CFAP221: variants seen among roughly 807,000 people sequenced by gnomAD.
CFAP221 encodes the protein cilia and flagella associated protein 221.
A neutral mutation model predicts 113.1 loss-of-function variants in CFAP221; 97 were observed. The observed-to-expected ratio is 0.86, with a 90% CI of 0.73 to 1.02. The LOEUF (loss-of-function observed/expected upper bound fraction) is 1.02. Among genes scored for constraint, CFAP221 ranks in the 50% least tolerant of loss-of-function variants. CFAP221 has a pLI of 0.00. For synonymous variants in CFAP221, 331 were observed against 354.4 expected (o/e 0.93, Z 0.74); for missense variants, 1,025 against 1,013.4 (o/e 1.01, Z -0.16).
At chr2:119,547,836 C>T (rs1481053833) in intron 2 of CFAP221, among the ~76,000 whole-genome samples, 1 of 152,156 alleles carries the variant, frequency 6.6e-6, no homozygotes, top group Non-Finnish European at 1.5e-5. Flanking sequence ...GTGAAGGTGT[C>T]TGTGCCTCAT....
intron 14 of CFAP221, among the ~76,000 whole-genome samples, chr2:119,619,063 C>G (rs1685712424): frequency 6.6e-6 from 1 of 152,216 alleles, no homozygotes. Context: ...CAGGGCATCT[C>G]TGAAAGAAAG....
intron 12 of CFAP221, among the ~76,000 whole-genome samples, chr2:119,610,250 G>A (rs1685058658): frequency 1.3e-5 from 2 of 152,150 alleles, no homozygotes; most frequent in South Asian, 4.1e-4. Context: ...CCTGGAATAT[G>A]GGAGATCAAA....
chr2:119,576,556 T>G (rs949479426), intron 6 of CFAP221, among the ~76,000 whole-genome samples: 3 of 152,218 alleles, frequency 2.0e-5, no homozygotes, highest in Non-Finnish European at 4.4e-5. Context: ...ATTCTCTAGG[T>G]GTAAAAAATA....
chr2:119,545,302 G>C (rs1384310633), intron 1 of CFAP221: 3 of 152,212 alleles, frequency 2.0e-5, no homozygotes, highest in Admixed American at 6.5e-5. Context: ...CAATATATAA[G>C]GGAATGTGAG....
rs758003894 is a variant in CFAP221 at position 119,604,664 on chromosome 2, A to C, written c.792-8A>C. ...ATTTACTAATTTAACACTTGTTTTA[A>C]CCTATAGATTAGAAGAGTTTGAAAG... On this transcript the variant is annotated splice_polypyrimidine_tract_variant and splice_region_variant and intron_variant, in intron 8 of 23. Transcript: ENST00000413369. 2 of 1,544,762 alleles carry C rather than the reference A, an allele frequency of 1.3e-6. No homozygotes were observed. The highest frequency in any genetic ancestry group is 1.7e-6 in the Non-Finnish European group (2 of 1,154,360).
At chr2:119,658,845 G>C (rs1037074762), downstream of CFAP221, among the ~76,000 whole-genome samples, 1 of 151,912 alleles carries the variant, frequency 6.6e-6, no homozygotes, top group Admixed American at 6.6e-5. Flanking sequence ...AGAAAATTTA[G>C]CCAGGCATGG....
chr2:119,634,811 TGA>T (rs1687013072), intron 19 of CFAP221, among the ~76,000 whole-genome samples: 3 of 152,156 alleles, frequency 2.0e-5, no homozygotes, highest in African/African-American at 7.2e-5. Flanking sequence ...TATCAGAGGC[TGA>T]GAGAGGGGAA....
chr2:119,643,332 C>G (rs1239796988), intron 21 of CFAP221, among the ~76,000 whole-genome samples: 1 of 152,186 alleles, frequency 6.6e-6, no homozygotes, highest in Admixed American at 6.5e-5. Flanking sequence ...ATCGAAGCAG[C>G]TCATTTATTT....
rs1013800777 is a variant in CFAP221 at position 119,601,211 on chromosome 2, C to G, written c.632-7C>G. 2.1e-5 allele frequency: 31 copies of G among 1,511,156 alleles called. No individual in the cohort carries two copies. The highest frequency in any genetic ancestry group is 1.4e-4 in the African/African-American group (10 of 72,600). The allele number at this position is 1,511,156 out of a possible 1,614,324, so 93.6% of individuals were successfully genotyped here. On this transcript the variant is annotated splice_region_variant and splice_polypyrimidine_tract_variant and intron_variant, in intron 7 of 23. Coordinates refer to ENST00000413369, the MANE Select transcript of CFAP221 (RefSeq NM_001271049.2). ...GGTATCACATTTTCTCATTTCTTTC[C>G]TCTCAGGAATAATTCCGGCTAATGG...
rs772986208 is a variant in CFAP221 at position 119,605,147 on chromosome 2, T to G, written c.1025-34T>G. Reference sequence around the variant, plus strand: ...TCTCCGCACATGATTTTAATCTGATTACTGGTATAAACATTGTCTGCTCCT... The same window carrying G: ...TCTCCGCACATGATTTTAATCTGATGACTGGTATAAACATTGTCTGCTCCT... On this transcript the variant is annotated intron_variant, in intron 10 of 23. Transcript: ENST00000413369. The G allele has an allele frequency of 9.6e-6, 15 of 1,557,146 alleles. No individual in the cohort carries two copies. The Admixed American group carries it at 2.5e-4, about 26-fold the overall frequency.
intron 2 of CFAP221, 46 bp from the exon 3 acceptor site, chr2:119,549,039 T>C (rs1465755595): frequency 7.9e-7 from 1 of 1,262,198 alleles, no homozygotes; most frequent in Non-Finnish European, 1.1e-6. Context: ...TAATTTAATA[T>C]TTTCTTTGAT....
intron 7 of CFAP221, among the ~76,000 whole-genome samples, chr2:119,590,620 C>G (rs914316679): frequency 8.5e-5 from 13 of 152,230 alleles, no homozygotes; most frequent in Admixed American, 6.5e-5. Context: ...AGCATTCACC[C>G]ACTTACATTT....
At chr2:119,591,293 A>C (rs1234370577) in intron 7 of CFAP221, among the ~76,000 whole-genome samples, 1 of 152,226 alleles carries the variant, frequency 6.6e-6, no homozygotes, top group Non-Finnish European at 1.5e-5. Context: ...TATGAGATGC[A>C]AATGAGTTCC....
chr2:119,549,235 A>G (rs1189553147), intron 3 of CFAP221, 50 bp downstream of exon 3: 12 of 1,346,720 alleles, frequency 8.9e-6, no homozygotes, highest in African/African-American at 1.5e-5. Flanking sequence ...AAGTGACAAA[A>G]ATGTTCTGAA....
chr2:119,591,461 G>A (rs904190712), intron 7 of CFAP221, among the ~76,000 whole-genome samples: 5 of 152,228 alleles, frequency 3.3e-5, no homozygotes, highest in African/African-American at 1.2e-4. Context: ...TGCACACAGC[G>A]TGGCTGGCAT....
At chr2:119,550,040 ACTT>A (rs1461333757) in intron 3 of CFAP221, among the ~76,000 whole-genome samples, 1 of 152,146 alleles carries the variant, frequency 6.6e-6, no homozygotes, top group Non-Finnish European at 1.5e-5. Flanking sequence ...GCCTGGCAGA[ACTT>A]CTCAGAACTA....
chr2:119,583,663 GA>G (rs1170556433), intron 6 of CFAP221, among the ~76,000 whole-genome samples: 1 of 152,208 alleles, frequency 6.6e-6, no homozygotes, highest in Admixed American at 6.5e-5. Flanking sequence ...GCTATGGTCT[GA>G]ATGTTTGTTT....
intron 21 of CFAP221, among the ~76,000 whole-genome samples, chr2:119,640,340 A>G (rs961745086): frequency 2.0e-5 from 3 of 152,152 alleles, no homozygotes; most frequent in African/African-American, 7.2e-5. Flanking sequence ...GACCATGGCA[A>G]TCCCCACACA....
intron 3 of CFAP221, among the ~76,000 whole-genome samples, chr2:119,550,719 T>G (rs2105013422): frequency 6.6e-6 from 1 of 152,346 alleles, no homozygotes; most frequent in East Asian, 1.9e-4. Context: ...TATGCTTTCT[T>G]TCTTTTCTTA....
Sources: gnomAD v4.1 joint callset for allele counts (sites outside exome capture counted in the v4.1 genomes callset) on GRCh38, gnomAD v4.1.1 for gene constraint, MANE v1.5 for transcripts, NCBI Gene and HGNC (gene_info 2026-07-23, HGNC 2026-07-21) for gene names.